The following CD2AP variants were observed in gnomAD, a reference collection of about 807,000 sequenced individuals.
CD2AP encodes the protein CD2 associated protein.
A neutral mutation model predicts 85.1 loss-of-function variants in CD2AP; 46 were observed. The ratio of observed to expected loss-of-function variants is 0.54; its 90% CI spans 0.43 to 0.69. The LOEUF (loss-of-function observed/expected upper bound fraction) is 0.69, where lower values mean the gene tolerates loss of function less well. Ranked by LOEUF, CD2AP falls within the 30% of genes least tolerant of loss-of-function variation. The pLI is 0.00. For synonymous variants in CD2AP, 255 were observed against 252.9 expected (o/e 1.01, Z -0.08); for missense variants, 769 against 729.5 (o/e 1.05, Z -0.62).
At chr6:47,527,009 A>G (rs555744642) in intron 2 of CD2AP, among the ~76,000 whole-genome samples, 6 of 152,298 alleles carry the variant, frequency 3.9e-5, no homozygotes, top group Non-Finnish European at 7.4e-5. Context: ...TGCATTACCA[A>G]TAAAAACAGG....
At chr6:47,580,790 T>G in intron 9 of CD2AP, 74 bp from the exon 10 acceptor site, 1 of 961,054 alleles carries the variant, frequency 1.0e-6, no homozygotes, top group Non-Finnish European at 1.7e-6. Context: ...TTTAGATTAT[T>G]ACTAATTAGA....
chr6:47,545,440 G>C (rs1314026715), intron 4 of CD2AP, among the ~76,000 whole-genome samples: 1 of 152,084 alleles, frequency 6.6e-6, no homozygotes, highest in Non-Finnish European at 1.5e-5. Flanking sequence ...ATGACAAAGG[G>C]CATATACTCT....
chr6:47,557,699 A>G (rs1401291207), intron 5 of CD2AP, among the ~76,000 whole-genome samples: 4 of 152,096 alleles, frequency 2.6e-5, no homozygotes, highest in Non-Finnish European at 5.9e-5. Context: ...CTTTTTTGGT[A>G]CCAGACCATG....
intron 3 of CD2AP, among the ~76,000 whole-genome samples, chr6:47,538,194 CAT>C (rs1449575470): frequency 3.3e-5 from 5 of 152,138 alleles, no homozygotes; most frequent in Admixed American, 6.5e-5. Context: ...TTTCTCATAA[CAT>C]TTGATTATTT....
In CD2AP at chr6:47,569,023, A is replaced by G. The variant is rs548158801; in HGVS notation, c.542-5041A>G. Among the ~76,000 whole-genome samples the G allele has an allele frequency of 2.6e-5, 4 of 152,300 alleles. No homozygotes were observed. The South Asian group carries it at 8.3e-4, about 32-fold the overall frequency. On this transcript the variant is annotated intron_variant, in intron 5 of 17. Coordinates refer to ENST00000359314, the MANE Select transcript of CD2AP (RefSeq NM_012120.3). ...TTACTTGGGAGGTTAAGTAAAAGAG[A>G]TCATTAAGGACCTAGACAAGAGCAG...
intron 2 of CD2AP, among the ~76,000 whole-genome samples, chr6:47,512,957 A>G (rs1223298562): frequency 2.6e-5 from 4 of 152,244 alleles, no homozygotes; most frequent in Non-Finnish European, 5.9e-5. Flanking sequence ...ATGTAGTTGC[A>G]TCTGTTACAA....
chr6:47,576,221 T>C (rs1317422995), intron 6 of CD2AP, among the ~76,000 whole-genome samples: 1 of 152,176 alleles, frequency 6.6e-6, no homozygotes, highest in Non-Finnish European at 1.5e-5. Context: ...GATTCAGACA[T>C]GAACCACTGG....
intron 3 of CD2AP, among the ~76,000 whole-genome samples, chr6:47,536,381 C>T (rs985406427): frequency 1.3e-4 from 20 of 152,002 alleles, no homozygotes; most frequent in Admixed American, 2.0e-4. Flanking sequence ...ATTGTATTAA[C>T]ATAAGGTTAA....
Position 47,616,082 on chromosome 6 carries a change from C to CTTTTTTTTTTTT in CD2AP, c.1878+3562_1878+3573dup, listed in dbSNP as rs562350159. ...GCAGGCATGAGCCACTGCGCCTGGC[C>CTTTTTTTTTTTT]TTTTTTTTTTTTTTTTTTTTTTTTT... On this transcript the variant is annotated intron_variant, in intron 17 of 17. Coordinates refer to ENST00000359314, the MANE Select transcript of CD2AP (RefSeq NM_012120.3). Among the ~76,000 whole-genome samples, 273 of 63,780 alleles carry CTTTTTTTTTTTT rather than the reference C, an allele frequency of 4.3e-3. 32 individuals are homozygous for CTTTTTTTTTTTT. Among genetic ancestry groups the CTTTTTTTTTTTT allele is most frequent in the African/African-American group, 8.3e-3 (115 of 13,776 alleles). The allele number at this position is 63,780 out of a possible 152,430, so 41.8% of individuals were successfully genotyped here. A position where few individuals can be genotyped will look rare whatever the true frequency, so the allele number is the denominator to read the frequency against.
chr6:47,564,260 G>T (rs1388380942), intron 5 of CD2AP, among the ~76,000 whole-genome samples: 1 of 152,038 alleles, frequency 6.6e-6, no homozygotes, highest in African/African-American at 2.4e-5. Context: ...GGGTTCACAG[G>T]TATTGGATCA....
Position 47,584,465 on chromosome 6 carries a change from G to A in CD2AP, c.1108+2400G>A, listed in dbSNP as rs144577420. On this transcript the variant is annotated intron_variant, in intron 11 of 17. Transcript: ENST00000359314. ...GTGAATGTCTAGTTGATCCAACACC[G>A]TTTGTTGAAAAGACTTTCAGTTTTC... is the stretch of plus-strand genomic sequence containing the variant. Among the ~76,000 whole-genome samples, 164 of 147,256 alleles carry A rather than the reference G, an allele frequency of 1.1e-3. 1 individual carries two copies. Among genetic ancestry groups the A allele is most frequent in the Non-Finnish European group, 1.8e-3 (121 of 67,222 alleles).
intron 17 of CD2AP, 26 bp downstream of exon 17, chr6:47,612,562 A>G (rs747850293): frequency 2.0e-6 from 3 of 1,507,950 alleles, no homozygotes; most frequent in Non-Finnish European, 2.8e-6. Flanking sequence ...CAGCATTGAG[A>G]GTTTAGTGAG....
At chr6:47,537,898 C>T (rs773371148) in intron 3 of CD2AP, among the ~76,000 whole-genome samples, 1 of 151,422 alleles carries the variant, frequency 6.6e-6, no homozygotes, top group African/African-American at 2.4e-5. Flanking sequence ...TACAGGAACA[C>T]GCCACTGCAC....
Position 47,533,582 on chromosome 6 carries a change from A to T in CD2AP, c.166-20A>T, listed in dbSNP as rs770508119. ...AAAATATAACTTAACTTGCCTCTTT[A>T]TTTATTTTCCCTTTTGTAGGAAATT... On this transcript the variant is annotated intron_variant, in intron 2 of 17. Coordinates refer to ENST00000359314, the MANE Select transcript of CD2AP (RefSeq NM_012120.3). The T allele has an allele frequency of 6.2e-7, 1 of 1,610,898 alleles. No individual in the cohort carries two copies. The highest frequency in any genetic ancestry group is 8.5e-7 in the Non-Finnish European group (1 of 1,178,158).
intron 12 of CD2AP, 54 bp from the exon 13 acceptor site, chr6:47,599,245 TAA>T: frequency 6.9e-7 from 1 of 1,448,848 alleles, no homozygotes. Flanking sequence ...AATCACAATT[TAA>T]AAAAAAGTCG....
chr6:47,543,784 A>G (rs1332929089), intron 3 of CD2AP, among the ~76,000 whole-genome samples: 3 of 152,236 alleles, frequency 2.0e-5, no homozygotes. Context: ...GTTTCAATAT[A>G]TGAATTTCGA....
intron 14 of CD2AP, among the ~76,000 whole-genome samples, chr6:47,606,764 A>G (rs915237401): frequency 6.6e-6 from 1 of 152,116 alleles, no homozygotes; most frequent in African/African-American, 2.4e-5. Context: ...TAATAATTAT[A>G]TCAGGGTAAA....
chr6:47,490,817 C>T (rs1487952874), intron 1 of CD2AP, among the ~76,000 whole-genome samples: 1 of 151,990 alleles, frequency 6.6e-6, no homozygotes, highest in African/African-American at 2.4e-5. Flanking sequence ...ACTATGCAAA[C>T]CTTTGTATGC....
intron 2 of CD2AP, among the ~76,000 whole-genome samples, chr6:47,507,077 G>C (rs893033946): frequency 4.6e-5 from 7 of 152,162 alleles, no homozygotes; most frequent in Non-Finnish European, 1.0e-4. Flanking sequence ...TACTCACCGT[G>C]TCTTCACCAG....
Sources: allele counts gnomAD v4.1 joint callset (sites outside exome capture counted in the v4.1 genomes callset), GRCh38; gene constraint gnomAD v4.1.1; transcripts MANE v1.5; gene names NCBI Gene and HGNC (gene_info 2026-07-23, HGNC 2026-07-21).